The following MAGI2 variants were observed in gnomAD, a reference collection of about 807,000 sequenced individuals.
MAGI2 encodes the protein membrane associated guanylate kinase, WW and PDZ domain containing 2, also known as membrane-associated guanylate kinase, WW and PDZ domain-containing protein 2.
A neutral mutation model predicts 133.3 loss-of-function variants in MAGI2; 35 were observed. That is an observed-to-expected ratio of 0.26 (90% CI 0.20 to 0.35). MAGI2 has a LOEUF of 0.35. MAGI2 is among the 10% of genes least tolerant of loss of function. The pLI, the probability that MAGI2 is intolerant of heterozygous loss-of-function variation, is 1.00. For synonymous variants in MAGI2, 729 were observed against 710.6 expected (o/e 1.03, Z -0.41); for missense variants, 1,636 against 1,863.4 (o/e 0.88, Z 2.25).
At chr7:79,010,522 CTA>C (rs1388188378) in intron 1 of MAGI2, among the ~76,000 whole-genome samples, 2 of 151,994 alleles carry the variant, frequency 1.3e-5, no homozygotes, top group African/African-American at 4.8e-5. Context: ...AAATAATTTG[CTA>C]TCTTATTTTC....
At chr7:78,055,867 G>C (rs572534268) in intron 21 of MAGI2, among the ~76,000 whole-genome samples, 3 of 152,166 alleles carry the variant, frequency 2.0e-5, no homozygotes, top group Non-Finnish European at 4.4e-5. Flanking sequence ...GCTCAGGAAG[G>C]GGGGCAATCC....
chr7:78,382,354 A>AAAT (rs1554380074), intron 6 of MAGI2, among the ~76,000 whole-genome samples: 3 of 69,338 alleles, frequency 4.3e-5, no homozygotes, highest in Admixed American at 1.2e-4. Flanking sequence ...CTTATTCAAA[A>AAAT]AAAAAATGTA....
chr7:78,655,038 T>C (rs1303492759), intron 2 of MAGI2, among the ~76,000 whole-genome samples: 6 of 151,856 alleles, frequency 4.0e-5, no homozygotes, highest in African/African-American at 1.4e-4. Flanking sequence ...AAACCTCATT[T>C]ACCCTGATGT....
intron 21 of MAGI2, among the ~76,000 whole-genome samples, chr7:78,038,924 C>T (rs892885058): frequency 2.0e-5 from 3 of 152,250 alleles, no homozygotes; most frequent in Non-Finnish European, 2.9e-5. Flanking sequence ...GACAACAACA[C>T]CTGGACTGCC....
chr7:78,892,996 T>C (rs1796894505), intron 2 of MAGI2, among the ~76,000 whole-genome samples: 4 of 152,104 alleles, frequency 2.6e-5, no homozygotes, highest in Non-Finnish European at 4.4e-5. Context: ...AGAGGGCTAA[T>C]ATCCAGAATC....
intron 1 of MAGI2, among the ~76,000 whole-genome samples, chr7:79,271,808 A>C (rs13224739): frequency 0.61 from 91,869 of 151,642 alleles, 29,403 homozygotes; most frequent in Non-Finnish European, 0.7. Context: ...TGATTAACAA[A>C]CTTGACTCTT....
intron 1 of MAGI2, among the ~76,000 whole-genome samples, chr7:79,112,937 A>G (rs1378507625): frequency 6.6e-6 from 1 of 152,218 alleles, no homozygotes; most frequent in East Asian, 1.9e-4. Flanking sequence ...AGTTAAACTA[A>G]TATTTATTTA....
At chr7:78,467,750 T>G (rs1288472709) in intron 6 of MAGI2, among the ~76,000 whole-genome samples, 1 of 152,084 alleles carries the variant, frequency 6.6e-6, no homozygotes, top group African/African-American at 2.4e-5. Context: ...ACTAGGTTGT[T>G]TACTATAATA....
chr7:79,209,739 C>T (rs999253180), intron 1 of MAGI2, among the ~76,000 whole-genome samples: 3 of 152,002 alleles, frequency 2.0e-5, no homozygotes, highest in African/African-American at 7.3e-5. Context: ...ATTCATATTT[C>T]TAAGAAAGTA....
At chr7:79,448,518 C>T (rs1017265463) in intron 1 of MAGI2, among the ~76,000 whole-genome samples, 5 of 152,044 alleles carry the variant, frequency 3.3e-5, no homozygotes, top group African/African-American at 4.8e-5. Flanking sequence ...CATAACTTAT[C>T]TAATATTCTT....
At chr7:78,117,199 A>T (rs1207341345) in intron 20 of MAGI2, among the ~76,000 whole-genome samples, 1 of 152,038 alleles carries the variant, frequency 6.6e-6, no homozygotes, top group African/African-American at 2.4e-5. Flanking sequence ...GGTTAGGGTA[A>T]CATTAATATC....
chr7:78,938,475 T>C (rs938589496), intron 2 of MAGI2, among the ~76,000 whole-genome samples: 11 of 152,164 alleles, frequency 7.2e-5, no homozygotes, highest in Admixed American at 1.3e-4. Flanking sequence ...TTTATATTTC[T>C]CAGGGTTTTT....
intron 1 of MAGI2, among the ~76,000 whole-genome samples, chr7:79,108,169 G>A (rs1345130579): frequency 6.6e-6 from 1 of 152,162 alleles, no homozygotes; most frequent in Non-Finnish European, 1.5e-5. Context: ...CCAGGTGCTG[G>A]CCCTCATCTT....
intron 1 of MAGI2, among the ~76,000 whole-genome samples, chr7:79,444,812 T>A (rs1042574600): frequency 7.9e-5 from 12 of 152,172 alleles, no homozygotes; most frequent in African/African-American, 1.2e-4. Flanking sequence ...GGAAAAAAAC[T>A]ACTTTAAAGT....
At chr7:78,636,760 T>C (rs1809701260) in intron 2 of MAGI2, among the ~76,000 whole-genome samples, 1 of 152,060 alleles carries the variant, frequency 6.6e-6, no homozygotes, top group African/African-American at 2.4e-5. Context: ...ATCGTGCCAC[T>C]GCATTCCAAC....
chr7:78,678,353 T>C (rs191012000), intron 2 of MAGI2, among the ~76,000 whole-genome samples: 29 of 152,220 alleles, frequency 1.9e-4, no homozygotes, highest in African/African-American at 6.5e-4. Context: ...CTTTAACCAG[T>C]CAACATATTG....
At chr7:78,389,096 AAAAT>A (rs1412333426) in intron 6 of MAGI2, among the ~76,000 whole-genome samples, 2 of 152,240 alleles carry the variant, frequency 1.3e-5, no homozygotes, top group Admixed American at 6.5e-5. Flanking sequence ...TTCCAGTTGG[AAAAT>A]AAATAAAAGA....
intron 2 of MAGI2, among the ~76,000 whole-genome samples, chr7:78,692,461 G>A (rs1396889898): frequency 1.3e-5 from 2 of 152,136 alleles, no homozygotes; most frequent in African/African-American, 4.8e-5. Context: ...GCATGGGTTA[G>A]TGGTCTGGAA....
rs142563556 is a variant in MAGI2, at chr7:79,198,224, G to T, written c.302-191018C>A. 1.2e-4 allele frequency among the ~76,000 whole-genome samples: 18 copies of T among 151,810 alleles called. No homozygotes were observed. The East Asian group carries it at 3.3e-3, about 28-fold the overall frequency. On this transcript the variant is annotated intron_variant, in intron 1 of 21. Coordinates refer to ENST00000354212, the MANE Select transcript of MAGI2 (RefSeq NM_012301.4). ...GCCATGATCATGCCACTGCACTCCT[G>T]CCTGGGTGACAGAGTGAGACCGTGT...
Sources: gnomAD v4.1 joint callset for allele counts (sites outside exome capture counted in the v4.1 genomes callset) on GRCh38, gnomAD v4.1.1 for gene constraint, MANE v1.5 for transcripts, NCBI Gene and HGNC (gene_info 2026-07-23, HGNC 2026-07-21) for gene names.